Variants in ETV6 observed in about 807,000 individuals in gnomAD.
ETV6 encodes the protein ETS variant transcription factor 6, also known as transcription factor ETV6.
Under a neutral mutation model 51.1 loss-of-function variants are expected in ETV6, and 16 were observed. The ratio of observed to expected loss-of-function variants is 0.31; its 90% CI spans 0.21 to 0.48. The LOEUF (loss-of-function observed/expected upper bound fraction) is 0.48. Among genes scored for constraint, ETV6 ranks in the 20% least tolerant of loss-of-function variants. The pLI is 0.99. For missense variants in ETV6, 458 were observed against 594.8 expected (o/e 0.77, Z 2.39); for synonymous variants, 240 against 224.1 (o/e 1.07, Z -0.64).
chr12:11,773,559 A>G (rs1290004039), intron 2 of ETV6, among the ~76,000 whole-genome samples: 1 of 152,226 alleles, frequency 6.6e-6, no homozygotes, highest in East Asian at 1.9e-4. Flanking sequence ...TTCTGCTTAT[A>G]AGGAAGAGAT....
At chr12:11,667,696 ATTTTT>A (rs34458275) in intron 1 of ETV6, among the ~76,000 whole-genome samples, 3 of 72,994 alleles carry the variant, frequency 4.1e-5, no homozygotes, top group Non-Finnish European at 5.1e-5. Flanking sequence ...TACCTGGCTA[ATTTTT>A]TTTTTTTTTT....
intron 4 of ETV6, among the ~76,000 whole-genome samples, chr12:11,863,766 T>TTG (rs1174009866): frequency 6.6e-6 from 1 of 152,220 alleles, no homozygotes; most frequent in African/African-American, 2.4e-5. Flanking sequence ...TAAGTTTCCA[T>TTG]GCCCTGCTGC....
chr12:11,738,300 GTTTTTGC>G (rs1565505692), intron 1 of ETV6, among the ~76,000 whole-genome samples: 2 of 65,830 alleles, frequency 3.0e-5, no homozygotes, highest in Admixed American at 2.3e-4. Flanking sequence ...TTTTTTGTTT[GTTTTTGC>G]TTTTTTTTTT....
intron 7 of ETV6, 88 bp from the exon 8 acceptor site, chr12:11,890,853 G>C: frequency 3.0e-6 from 3 of 987,792 alleles, no homozygotes; most frequent in Non-Finnish European, 4.8e-6. Flanking sequence ...AGATGATGGA[G>C]TCTTTCTTTA....
chr12:11,793,840 G>C (rs762889643), intron 2 of ETV6, among the ~76,000 whole-genome samples: 1 of 152,178 alleles, frequency 6.6e-6, no homozygotes, highest in Non-Finnish European at 1.5e-5. Context: ...TTTTTGTGTA[G>C]AAGAAAATAC....
chr12:11,843,356 G>A (rs1946417215), intron 3 of ETV6, among the ~76,000 whole-genome samples: 1 of 152,164 alleles, frequency 6.6e-6, no homozygotes, highest in Admixed American at 6.5e-5. Flanking sequence ...TCTGACATGG[G>A]CTTTCTCCTT....
At chr12:11,692,694 T>C (rs1355369814) in intron 1 of ETV6, among the ~76,000 whole-genome samples, 3 of 152,228 alleles carry the variant, frequency 2.0e-5, no homozygotes, top group Non-Finnish European at 4.4e-5. Flanking sequence ...TAATAAAGCC[T>C]GGTTCTTGCA....
At chr12:11,811,610 G>T (rs1945915628) in intron 2 of ETV6, among the ~76,000 whole-genome samples, 2 of 152,156 alleles carry the variant, frequency 1.3e-5, no homozygotes, top group South Asian at 4.1e-4. Flanking sequence ...TAGTGATGAT[G>T]GTGGTGGTGA....
intron 1 of ETV6, among the ~76,000 whole-genome samples, chr12:11,697,729 A>G (rs1864904749): frequency 6.6e-6 from 1 of 152,228 alleles, no homozygotes; most frequent in African/African-American, 2.4e-5. Flanking sequence ...AGGAGTAATT[A>G]ATTAAAAAAT....
At chr12:11,881,884 T>C (rs7313247) in intron 5 of ETV6, among the ~76,000 whole-genome samples, 10,463 of 152,316 alleles carry the variant, frequency 0.069, 589 homozygotes, top group African/African-American at 0.15. Flanking sequence ...CAGTCTGCAG[T>C]AGGACACTGA....
chr12:11,663,590 T>C (rs1012520472), intron 1 of ETV6, among the ~76,000 whole-genome samples: 1 of 152,248 alleles, frequency 6.6e-6, no homozygotes, highest in African/African-American at 2.4e-5. Context: ...ATATATCTCC[T>C]TGGAGGCCTG....
At chr12:11,880,303 T>C (rs756492221) in intron 5 of ETV6, among the ~76,000 whole-genome samples, 11 of 152,190 alleles carry the variant, frequency 7.2e-5, no homozygotes, top group East Asian at 1.9e-4. Flanking sequence ...AAATGATCAA[T>C]TGGCAGCTTG....
chr12:11,825,474 T>C (rs1946139064), intron 2 of ETV6, among the ~76,000 whole-genome samples: 1 of 152,234 alleles, frequency 6.6e-6, no homozygotes, highest in Non-Finnish European at 1.5e-5. Context: ...CCTGCATCGC[T>C]CCTGTCTCTG....
chr12:11,775,919 CT>C (rs1374115054), intron 2 of ETV6, among the ~76,000 whole-genome samples: 1 of 152,182 alleles, frequency 6.6e-6, no homozygotes, highest in African/African-American at 2.4e-5. Context: ...CTCTTTGGGT[CT>C]GTCTAACCTG....
intron 1 of ETV6, chr12:11,751,833 C>T (rs10845410): frequency 0.31 from 150,472 of 490,318 alleles, 25,790 homozygotes; most frequent in East Asian, 0.37. Context: ...GCAGATAATT[C>T]CTAGCAATGA....
At chr12:11,735,791 G>C (rs1173127684) in intron 1 of ETV6, among the ~76,000 whole-genome samples, 3 of 152,126 alleles carry the variant, frequency 2.0e-5, no homozygotes, top group Admixed American at 1.3e-4. Flanking sequence ...GTAGAAACGG[G>C]GTTTCACCAT....
intron 1 of ETV6, among the ~76,000 whole-genome samples, chr12:11,709,229 C>T (rs761645285): frequency 7.9e-5 from 12 of 152,174 alleles, no homozygotes; most frequent in Non-Finnish European, 1.6e-4. Context: ...ATACCTCTAC[C>T]TTCTTCCTCA....
At chr12:11,760,878 A>ATGTGTGTGTG (rs59373097) in intron 2 of ETV6, among the ~76,000 whole-genome samples, 3,547 of 148,494 alleles carry the variant, frequency 0.024, 48 homozygotes, top group South Asian at 0.03. Flanking sequence ...TATTATATAT[A>ATGTGTGTGTG]TGTGTGTGTG....
Position 11,766,639 on chromosome 12 carries a change from C to T in ETV6, c.163+14060C>T, listed in dbSNP as rs1447417223. Reference sequence around the variant, plus strand: ...TGCTCCCTTGCTTTGTGGCTTTGCCCATCCCTGACCTGCGTGGAGGCCTTA... The same window carrying T: ...TGCTCCCTTGCTTTGTGGCTTTGCCTATCCCTGACCTGCGTGGAGGCCTTA... On this transcript the variant is annotated intron_variant, in intron 2 of 7. Coordinates refer to ENST00000396373, the MANE Select transcript of ETV6 (RefSeq NM_001987.5). Among the ~76,000 whole-genome samples, 3 of 152,182 alleles carry T rather than the reference C, an allele frequency of 2.0e-5. No individual in the cohort carries two copies. In the South Asian group the frequency reaches 6.2e-4, roughly 32 times the overall value.
Sources: gnomAD v4.1 joint callset for allele counts (sites outside exome capture counted in the v4.1 genomes callset) on GRCh38, gnomAD v4.1.1 for gene constraint, MANE v1.5 for transcripts, NCBI Gene and HGNC (gene_info 2026-07-23, HGNC 2026-07-21) for gene names.